Variants in C1orf146 observed in about 807,000 individuals in gnomAD.
C1orf146 encodes the protein chromosome 1 open reading frame 146, also known as protein SPO16 homolog.
A neutral mutation model predicts 23.0 loss-of-function variants in C1orf146; 22 were observed. That is an observed-to-expected ratio of 0.96 (90% CI 0.68 to 1.36). C1orf146 has a LOEUF of 1.36. Ranked by LOEUF, C1orf146 falls within the 40% of genes most tolerant of loss-of-function variation. The pLI is 0.00. For missense variants in C1orf146, 199 were observed against 206.8 expected, an observed-to-expected ratio of 0.96 and a Z score of 0.23; for synonymous variants, 59 against 65.3, an observed-to-expected ratio of 0.90 and a Z score of 0.47.
At chr1:92,241,563 C>G (rs1652432535) in intron 2 of C1orf146, among the ~76,000 whole-genome samples, 1 of 152,152 alleles carries the variant, frequency 6.6e-6, no homozygotes, top group Admixed American at 6.5e-5. Flanking sequence ...AGTCTCAGCT[C>G]ACTGCAACCT....
At chr1:92,223,869 A>T (rs938530569) in intron 1 of C1orf146, among the ~76,000 whole-genome samples, 2 of 151,716 alleles carry the variant, frequency 1.3e-5, no homozygotes, top group African/African-American at 4.8e-5. Context: ...TATTCGGGGT[A>T]CAAGTCATTT....
chr1:92,243,665 C>A (rs1652488824), intron 3 of C1orf146, among the ~76,000 whole-genome samples: 5 of 152,146 alleles, frequency 3.3e-5, no homozygotes, highest in Admixed American at 3.3e-4. Flanking sequence ...TTAAGACTCT[C>A]TTTCTTTAGC....
At chr1:92,223,167 T>C (rs187072833) in intron 1 of C1orf146, among the ~76,000 whole-genome samples, 2 of 152,316 alleles carry the variant, frequency 1.3e-5, no homozygotes, top group East Asian at 3.9e-4. Flanking sequence ...TTTTCTTTGG[T>C]AAATTACCTA....
intron 5 of C1orf146, 57 bp downstream of exon 5, chr1:92,244,914 C>T: frequency 2.1e-6 from 2 of 967,374 alleles, no homozygotes; most frequent in Non-Finnish European, 3.2e-6. Context: ...TTTTTAACTT[C>T]CAATTGTCAC....
rs142760966 is a variant in C1orf146, at chr1:92,230,313, T to TAA, written c.-39-1055_-39-1054dup. ...CCTGCCCCCGATCTCCACAATAAGT[T>TAA]AAAAAAAAAAAAAAATTGGCCAGGC... On this transcript the variant is annotated intron_variant, in intron 1 of 5. Transcript: ENST00000370375. Among the ~76,000 whole-genome samples the TAA allele has an allele frequency of 1.6e-3, 225 of 142,472 alleles. 1 individual carries two copies. Among genetic ancestry groups the TAA allele is most frequent in the African/African-American group, 5.7e-3 (220 of 38,580 alleles). 93.5% of individuals were successfully genotyped at this position (142,472 alleles called of 152,430 possible). A position where few individuals can be genotyped will look rare whatever the true frequency, so the allele number is the denominator to read the frequency against.
In C1orf146 at chr1:92,245,615, C is replaced by G; in HGVS notation, c.484C>G (p.Pro162Ala). The change falls in exon 6 of 6, where the codon CCT becomes GCT. Residue 162 changes from proline to alanine, a missense_variant. Coordinates refer to ENST00000370375, the MANE Select transcript of C1orf146 (RefSeq NM_001012425.2). The part of the protein sequence containing the change: ...TAKAYIIEQS[P>A]VWKTLQKIKL... ...TAAAGCTTACATCATTGAGCAAAGT[C>G]CTGTTTGGAAAACACTTCAGAAGAT... is the stretch of plus-strand genomic sequence containing the variant. The G allele has an allele frequency of 6.2e-7, 1 of 1,600,260 alleles. No individual in the cohort carries two copies. The highest frequency in any genetic ancestry group is 1.1e-5 in the South Asian group (1 of 88,630).
At chr1:92,239,657 C>T (rs1456634294) in intron 2 of C1orf146, among the ~76,000 whole-genome samples, 1 of 151,478 alleles carries the variant, frequency 6.6e-6, no homozygotes, top group African/African-American at 2.4e-5. Context: ...GAGGCTGAGG[C>T]AGGAGAATCA....
intron 1 of C1orf146, among the ~76,000 whole-genome samples, chr1:92,222,788 AT>A (rs1204262092): frequency 6.6e-6 from 1 of 151,764 alleles, no homozygotes; most frequent in Non-Finnish European, 1.5e-5. Context: ...GGGTTTCACC[AT>A]GTTAGCCAGG....
intron 5 of C1orf146, 90 bp downstream of exon 5, chr1:92,244,947 TATC>T (rs1156407832): frequency 5.4e-6 from 4 of 747,114 alleles, no homozygotes; most frequent in African/African-American, 3.5e-5. Flanking sequence ...GACTGGCAAA[TATC>T]ATGCTTCTGT....
At chr1:92,229,215 A>C in intron 1 of C1orf146, 1 of 547,798 alleles carries the variant, frequency 1.8e-6, no homozygotes, top group South Asian at 1.4e-5. Context: ...CCTGTTGGTG[A>C]TGTCTGGGTA....
chr1:92,228,891 T>C, intron 1 of C1orf146: 1 of 406,336 alleles, frequency 2.5e-6, no homozygotes, highest in Non-Finnish European at 4.8e-6. Flanking sequence ...AAGGACAATT[T>C]CTTTTCGAAG....
intron 1 of C1orf146, among the ~76,000 whole-genome samples, chr1:92,230,627 A>T (rs973380835): frequency 1.3e-5 from 2 of 151,058 alleles, no homozygotes; most frequent in Non-Finnish European, 2.9e-5. Context: ...AAAAAAAAAA[A>T]AAATCAGCCA....
chr1:92,230,240 G>C (rs1435303001), intron 1 of C1orf146, among the ~76,000 whole-genome samples: 3 of 151,726 alleles, frequency 2.0e-5, no homozygotes, highest in African/African-American at 7.3e-5. Context: ...GAGGTGGGAG[G>C]GTCGCTTGAA....
intron 1 of C1orf146, among the ~76,000 whole-genome samples, chr1:92,228,061 G>A (rs1041817832): frequency 6.6e-6 from 1 of 152,126 alleles, no homozygotes; most frequent in African/African-American, 2.4e-5. Flanking sequence ...CCTTGTGTGT[G>A]TATTATGCTT....
chr1:92,244,414 T>C, intron 4 of C1orf146, 29 bp downstream of exon 4: 1 of 1,496,472 alleles, frequency 6.7e-7, no homozygotes, highest in Non-Finnish European at 9.0e-7. Context: ...ATAGACTTAT[T>C]TTTCTTATAT....
intron 2 of C1orf146, among the ~76,000 whole-genome samples, chr1:92,231,970 C>T (rs1652133499): frequency 6.6e-6 from 1 of 152,036 alleles, no homozygotes; most frequent in Admixed American, 6.6e-5. Context: ...TCTCCATTGC[C>T]CTGATATTTA....
chr1:92,241,452 T>G (rs527976335), intron 2 of C1orf146, among the ~76,000 whole-genome samples: 7 of 152,082 alleles, frequency 4.6e-5, no homozygotes, highest in Admixed American at 4.6e-4. Context: ...TCCACCAGCC[T>G]TGGCCTCCAA....
chr1:92,240,928 T>C (rs1479942380), intron 2 of C1orf146: 2 of 463,516 alleles, frequency 4.3e-6, no homozygotes, highest in South Asian at 1.6e-5. Flanking sequence ...TCAGGTGATA[T>C]TTGAAATGGT....
intron 5 of C1orf146, 64 bp from the exon 6 acceptor site, chr1:92,245,476 A>C (rs367854730): frequency 1.9e-5 from 25 of 1,289,200 alleles, no homozygotes; most frequent in Middle Eastern, 4.2e-4. Flanking sequence ...GGTATTTTTA[A>C]ATGTGACCTT....
Sources: allele counts gnomAD v4.1 joint callset (sites outside exome capture counted in the v4.1 genomes callset), GRCh38; gene constraint gnomAD v4.1.1; transcripts MANE v1.5; gene names NCBI Gene and HGNC (gene_info 2026-07-23, HGNC 2026-07-21).